TESK2: variants seen among roughly 807,000 people sequenced by gnomAD.
The protein encoded by TESK2 is dual specificity testis-specific protein kinase 2.
In TESK2, 39 loss-of-function variants were observed where a neutral mutation model predicts 57.1. That is an observed-to-expected ratio of 0.68 (90% CI 0.53 to 0.89). The LOEUF (loss-of-function observed/expected upper bound fraction) is 0.89, where lower values mean the gene tolerates loss of function less well. TESK2 is among the 40% of genes least tolerant of loss of function. TESK2 has a pLI of 0.00. For missense variants in TESK2, 646 were observed against 732.1 expected, an observed-to-expected ratio of 0.88 and a Z score of 1.36; for synonymous variants, 249 against 267.9, an observed-to-expected ratio of 0.93 and a Z score of 0.69.
chr1:45,401,223 C>G (rs1649582781), intron 3 of TESK2, among the ~76,000 whole-genome samples: 1 of 151,572 alleles, frequency 6.6e-6, no homozygotes, highest in Non-Finnish European at 1.5e-5. Context: ...GTGGTGAAAC[C>G]CTGTCTCTAC....
At chr1:45,389,145 G>A (rs1380871896) in intron 3 of TESK2, among the ~76,000 whole-genome samples, 1 of 152,180 alleles carries the variant, frequency 6.6e-6, no homozygotes, top group Non-Finnish European at 1.5e-5. Flanking sequence ...TGGGCACAGT[G>A]GTTCATGCAT....
intron 3 of TESK2, among the ~76,000 whole-genome samples, chr1:45,398,477 G>A (rs1027374671): frequency 6.6e-6 from 1 of 152,006 alleles, no homozygotes; most frequent in Non-Finnish European, 1.5e-5. Context: ...AACCCAGGAG[G>A]CAGAGGCTGC....
chr1:45,362,335 A>T (rs1429761024), intron 4 of TESK2, among the ~76,000 whole-genome samples: 1 of 152,236 alleles, frequency 6.6e-6, no homozygotes, highest in African/African-American at 2.4e-5. Flanking sequence ...ACAAGCACAT[A>T]AACATATCCA....
intron 3 of TESK2, among the ~76,000 whole-genome samples, chr1:45,406,455 G>C (rs765601365): frequency 6.6e-6 from 1 of 151,986 alleles, no homozygotes; most frequent in Non-Finnish European, 1.5e-5. Context: ...AGACCAGTTT[G>C]GGCAACATAG....
chr1:45,347,746 A>G, intron 6 of TESK2, 53 bp from the exon 7 acceptor site: 1 of 1,584,494 alleles, frequency 6.3e-7, no homozygotes, highest in South Asian at 1.1e-5. Flanking sequence ...GGTGCAATGG[A>G]ATCTTTTGAC....
At chr1:45,430,026 T>G (rs1379445956) in intron 2 of TESK2, among the ~76,000 whole-genome samples, 1 of 152,170 alleles carries the variant, frequency 6.6e-6, no homozygotes, top group East Asian at 1.9e-4. Flanking sequence ...GTTGCTGGAC[T>G]CTAGAATAGC....
At chr1:45,418,886 C>T (rs1650350148) in intron 3 of TESK2, among the ~76,000 whole-genome samples, 1 of 151,760 alleles carries the variant, frequency 6.6e-6, no homozygotes, top group South Asian at 2.1e-4. Flanking sequence ...AACCCATAAG[C>T]AGATATACTT....
At chr1:45,375,747 A>G (rs922758042) in intron 4 of TESK2, among the ~76,000 whole-genome samples, 19 of 152,146 alleles carry the variant, frequency 1.2e-4, no homozygotes, top group African/African-American at 4.6e-4. Context: ...AAAATATAAA[A>G]TAAAGTTAAA....
intron 1 of TESK2, among the ~76,000 whole-genome samples, chr1:45,470,373 G>C (rs1423128769): frequency 6.6e-6 from 1 of 152,162 alleles, no homozygotes; most frequent in African/African-American, 2.4e-5. Flanking sequence ...ACACGTTTCA[G>C]GATGACTATC....
At chr1:45,421,002 T>C (rs1650454779) in intron 3 of TESK2, among the ~76,000 whole-genome samples, 1 of 152,126 alleles carries the variant, frequency 6.6e-6, no homozygotes, top group African/African-American at 2.4e-5. Flanking sequence ...CTTATAAAAA[T>C]AATTGTCCAC....
At chr1:45,422,687 G>A (rs912608078) in intron 2 of TESK2, among the ~76,000 whole-genome samples, 15 of 151,022 alleles carry the variant, frequency 9.9e-5, no homozygotes, top group Non-Finnish European at 2.2e-4. Context: ...CAGGTGATCT[G>A]CCTGCCTCGG....
chr1:45,459,265 CAGA>C (rs1358546680), intron 1 of TESK2, among the ~76,000 whole-genome samples: 3 of 152,092 alleles, frequency 2.0e-5, no homozygotes, highest in Admixed American at 6.5e-5. Context: ...GCCTGGAAGG[CAGA>C]AGAAGTCAAG....
intron 1 of TESK2, among the ~76,000 whole-genome samples, chr1:45,471,991 C>T (rs1652783465): frequency 6.6e-6 from 1 of 152,128 alleles, no homozygotes; most frequent in Non-Finnish European, 1.5e-5. Context: ...GTGGCTCACG[C>T]CTGTAATCCC....
chr1:45,402,407 A>G (rs943470690), intron 3 of TESK2, among the ~76,000 whole-genome samples: 13 of 151,288 alleles, frequency 8.6e-5, no homozygotes, highest in African/African-American at 2.9e-4. Flanking sequence ...AAAAAAAAAA[A>G]AAAGAAAAAG....
At chr1:45,352,571 T>A (rs936362826) in intron 5 of TESK2, among the ~76,000 whole-genome samples, 1 of 152,222 alleles carries the variant, frequency 6.6e-6, no homozygotes, top group Non-Finnish European at 1.5e-5. Flanking sequence ...CCTAGAGTGA[T>A]CTTTCCTGCT....
chr1:45,384,377 A>AACTGTCTG (rs1648784439), intron 4 of TESK2, among the ~76,000 whole-genome samples: 1 of 138,918 alleles, frequency 7.2e-6, no homozygotes, highest in Admixed American at 7.4e-5. Flanking sequence ...CTATCTATCT[A>AACTGTCTG]TCTATCTATC....
intron 4 of TESK2, among the ~76,000 whole-genome samples, chr1:45,361,754 G>C (rs1647695621): frequency 6.6e-6 from 1 of 152,160 alleles, no homozygotes; most frequent in African/African-American, 2.4e-5. Context: ...TGGACACTCA[G>C]TTCTCCACTC....
chr1:45,471,498 C>T (rs59339424), intron 1 of TESK2, among the ~76,000 whole-genome samples: 4 of 151,114 alleles, frequency 2.6e-5, no homozygotes, highest in East Asian at 2.0e-4. Flanking sequence ...CTCTGCCTCC[C>T]GGGTTCAAGC....
chr1:45,488,568 A>G (rs1557593511), intron 1 of TESK2, among the ~76,000 whole-genome samples: 1 of 152,236 alleles, frequency 6.6e-6, no homozygotes, highest in African/African-American at 2.4e-5. Context: ...TCAGAACTAG[A>G]CATACCTGCT....
Sources: gnomAD v4.1 joint callset for allele counts (sites outside exome capture counted in the v4.1 genomes callset) on GRCh38, gnomAD v4.1.1 for gene constraint, MANE v1.5 for transcripts, NCBI Gene and HGNC (gene_info 2026-07-23, HGNC 2026-07-21) for gene names.